Variants in MINDY3 observed in about 807,000 individuals in gnomAD.
MINDY3 encodes the protein MINDY lysine 48 deubiquitinase 3.
MINDY3 carries 38 observed loss-of-function variants against 69.2 expected under a neutral mutation model. The observed-to-expected ratio is 0.55, with a 90% CI of 0.42 to 0.72. The LOEUF is 0.72. MINDY3 is among the 30% of genes least tolerant of loss of function. The pLI is 0.00. For synonymous variants in MINDY3, 192 were observed against 180.1 expected (o/e 1.07, Z -0.53); for missense variants, 522 against 519.0 (o/e 1.01, Z -0.06).
intron 2 of MINDY3, among the ~76,000 whole-genome samples, chr10:15,845,501 C>CT (rs1554819404): frequency 2.0e-5 from 3 of 151,702 alleles, no homozygotes; most frequent in East Asian, 1.9e-4. Flanking sequence ...TTACGTGACT[C>CT]TTTTTTTTCC....
In MINDY3 at chr10:15,834,531, T is replaced by A; in HGVS notation, c.650+12A>T. The A allele has an allele frequency of 6.3e-7, 1 of 1,593,184 alleles. No individual in the cohort carries two copies. Among genetic ancestry groups the A allele is most frequent in the South Asian group, 1.1e-5 (1 of 88,752 alleles). Reference sequence around the variant, plus strand: ...AGTTCACATGAGGAGACAAGAGATTTTAGTTAATTACCTGCCATGTCCATA... The same window carrying A: ...AGTTCACATGAGGAGACAAGAGATTATAGTTAATTACCTGCCATGTCCATA... On this transcript the variant is annotated intron_variant, in intron 7 of 14. Coordinates refer to ENST00000277632, the MANE Select transcript of MINDY3 (RefSeq NM_024948.4).
At chr10:15,789,629 A>C (rs1366944797) in intron 11 of MINDY3, among the ~76,000 whole-genome samples, 3 of 152,144 alleles carry the variant, frequency 2.0e-5, no homozygotes, top group Non-Finnish European at 2.9e-5. Flanking sequence ...TTTCTACTTA[A>C]AATCTTAGGT....
chr10:15,812,705 A>C (rs1226785107), intron 10 of MINDY3, among the ~76,000 whole-genome samples: 4 of 152,342 alleles, frequency 2.6e-5, no homozygotes, highest in South Asian at 4.1e-4. Context: ...TGCCTGTCTG[A>C]GAGGTACCTC....
At chr10:15,810,865 C>G (rs916949837) in intron 10 of MINDY3, among the ~76,000 whole-genome samples, 5 of 151,894 alleles carry the variant, frequency 3.3e-5, no homozygotes, top group Non-Finnish European at 7.4e-5. Context: ...GACAAACAAC[C>G]CAATTAAAAA....
chr10:15,780,774 T>C (rs189493221), intron 14 of MINDY3, among the ~76,000 whole-genome samples: 77 of 152,344 alleles, frequency 5.1e-4, no homozygotes, highest in Middle Eastern at 3.4e-3. Flanking sequence ...ATTTGTTTTC[T>C]AATCTTTTTG....
intron 8 of MINDY3, among the ~76,000 whole-genome samples, chr10:15,822,857 T>C (rs1319745310): frequency 6.6e-6 from 1 of 152,130 alleles, no homozygotes; most frequent in African/African-American, 2.4e-5. Flanking sequence ...ATAAAGTCTT[T>C]TCATAAACGA....
intron 1 of MINDY3, among the ~76,000 whole-genome samples, chr10:15,849,253 G>A (rs1263227659): frequency 6.6e-6 from 1 of 152,086 alleles, no homozygotes; most frequent in East Asian, 1.9e-4. Flanking sequence ...AAAGCAAAAA[G>A]GTTTTCCAAG....
chr10:15,802,658 G>A (rs1222325584), intron 10 of MINDY3, among the ~76,000 whole-genome samples: 2 of 152,084 alleles, frequency 1.3e-5, no homozygotes, highest in Non-Finnish European at 2.9e-5. Flanking sequence ...CCTGTATGTG[G>A]GGAAATGATA....
chr10:15,786,777 A>G, intron 12 of MINDY3, 129 bp from the exon 13 acceptor site: 3 of 638,494 alleles, frequency 4.7e-6, no homozygotes, highest in South Asian at 3.4e-5. Context: ...TCTTTTTAGA[A>G]CCTTAATGAC....
At chr10:15,781,754 A>G (rs1307275262) in intron 14 of MINDY3, among the ~76,000 whole-genome samples, 1 of 152,222 alleles carries the variant, frequency 6.6e-6, no homozygotes, top group Non-Finnish European at 1.5e-5. Context: ...TAAATGCTCA[A>G]TATATGCTGA....
chr10:15,785,196 C>T (rs1456321172), intron 13 of MINDY3, among the ~76,000 whole-genome samples: 1 of 152,160 alleles, frequency 6.6e-6, no homozygotes, highest in Non-Finnish European at 1.5e-5. Context: ...GACAATGAGA[C>T]AAACCAGGCC....
At chr10:15,796,687 ACTT>A (rs1328229289) in intron 10 of MINDY3, among the ~76,000 whole-genome samples, 1 of 151,280 alleles carries the variant, frequency 6.6e-6, no homozygotes, top group Non-Finnish European at 1.5e-5. Context: ...AGCTCAATCA[ACTT>A]CTACATGTCC....
At chr10:15,786,439 G>GGT (rs1836967274) in intron 13 of MINDY3, 122 bp downstream of exon 13, 7 of 666,820 alleles carry the variant, frequency 1.0e-5, no homozygotes, top group Non-Finnish European at 1.3e-5. Context: ...TCCATGTAAC[G>GGT]GTGTTTTCTC....
chr10:15,789,420 T>A, intron 11 of MINDY3, 101 bp from the exon 12 acceptor site: 3 of 824,144 alleles, frequency 3.6e-6, no homozygotes, highest in Non-Finnish European at 5.9e-6. Context: ...GCATAAAAAA[T>A]ACAAAGAGTT....
chr10:15,792,931 G>A (rs1837530567), intron 11 of MINDY3, among the ~76,000 whole-genome samples: 1 of 152,042 alleles, frequency 6.6e-6, no homozygotes, highest in Non-Finnish European at 1.5e-5. Flanking sequence ...AATGTATTGA[G>A]TGCTGACTAA....
Position 15,834,573 on chromosome 10 carries a change from G to A in MINDY3, c.620C>T (p.Pro207Leu). The A allele has an allele frequency of 1.9e-6, 3 of 1,611,212 alleles. No homozygotes were observed. Among genetic ancestry groups the A allele is most frequent in the Non-Finnish European group, 2.5e-6 (3 of 1,178,266 alleles). ...ATGTCCATATACAGGATCTATCAAGGGTTCACTTGCATCTTCAATTTCGTT... is the reference window on the plus strand; with the variant it reads ...ATGTCCATATACAGGATCTATCAAGAGTTCACTTGCATCTTCAATTTCGTT... ...IKNEIEDASE[P>L]LIDPVYGHGS... is the part of the protein sequence containing the mutation. Residue 207 changes from proline (P) to leucine (L), a missense_variant, in exon 7 of 15, where the codon CCC becomes CTC. Pro to Leu is a moderately conservative substitution (Grantham distance 98). Transcript: ENST00000277632.
intron 13 of MINDY3, among the ~76,000 whole-genome samples, chr10:15,784,440 G>A (rs1836793482): frequency 6.6e-6 from 1 of 152,146 alleles, no homozygotes; most frequent in African/African-American, 2.4e-5. Flanking sequence ...TTTATTTGTG[G>A]CTGATTAAAT....
At chr10:15,819,849 A>G (rs1839635265) in intron 9 of MINDY3, among the ~76,000 whole-genome samples, 1 of 152,222 alleles carries the variant, frequency 6.6e-6, no homozygotes, top group Non-Finnish European at 1.5e-5. Flanking sequence ...AATACACAGC[A>G]GCGATTGACT....
At chr10:15,791,049 T>G (rs550353404) in intron 11 of MINDY3, among the ~76,000 whole-genome samples, 1 of 152,282 alleles carries the variant, frequency 6.6e-6, no homozygotes, top group East Asian at 1.9e-4. Flanking sequence ...TTAAGGTAGC[T>G]ATGAGATTTA....
Sources: gnomAD v4.1 joint callset for allele counts (sites outside exome capture counted in the v4.1 genomes callset) on GRCh38, gnomAD v4.1.1 for gene constraint, MANE v1.5 for transcripts, NCBI Gene and HGNC (gene_info 2026-07-23, HGNC 2026-07-21) for gene names.